Variants in TTPA observed in about 807,000 individuals in gnomAD.
The protein encoded by TTPA is alpha tocopherol transfer protein.
TTPA carries 23 observed loss-of-function variants against 25.9 expected under a neutral mutation model. That is an observed-to-expected ratio of 0.89 (90% CI 0.64 to 1.26). The LOEUF (loss-of-function observed/expected upper bound fraction) is 1.26, where lower values mean the gene tolerates loss of function less well. Ranked by LOEUF, TTPA falls within the 50% of genes most tolerant of loss-of-function variation. TTPA has a pLI of 0.00. For missense variants in TTPA, 337 were observed against 353.1 expected, an observed-to-expected ratio of 0.95 and a Z score of 0.37; for synonymous variants, 148 against 137.3, an observed-to-expected ratio of 1.08 and a Z score of -0.54.
At chr8:63,072,494 CT>C (rs1221512965) in intron 2 of TTPA, among the ~76,000 whole-genome samples, 1 of 152,156 alleles carries the variant, frequency 6.6e-6, no homozygotes, top group Non-Finnish European at 1.5e-5. Flanking sequence ...AACTCCTGAC[CT>C]CAGCTGGGAT....
intron 1 of TTPA, 123 bp downstream of exon 1, chr8:63,085,695 G>A (rs1386306778): frequency 1.6e-6 from 2 of 1,248,704 alleles, no homozygotes; most frequent in Non-Finnish European, 1.1e-6. Flanking sequence ...TTAGGGGCGC[G>A]TTACCCGCCA....
At chr8:63,081,398 T>G (rs1224612644) in intron 1 of TTPA, among the ~76,000 whole-genome samples, 1 of 152,138 alleles carries the variant, frequency 6.6e-6, no homozygotes, top group Non-Finnish European at 1.5e-5. Context: ...AACCACATGA[T>G]TATCTCAATA....
chr8:63,058,823 T>A (rs1805244942), downstream of TTPA, among the ~76,000 whole-genome samples: 1 of 152,116 alleles, frequency 6.6e-6, no homozygotes, highest in Admixed American at 6.5e-5. Context: ...TAAACAAAAA[T>A]AAATGAAGTG....
At chr8:63,066,311 G>C (rs545152681) in intron 2 of TTPA, among the ~76,000 whole-genome samples, 1 of 152,252 alleles carries the variant, frequency 6.6e-6, no homozygotes, top group East Asian at 1.9e-4. Context: ...CTTTTAAAGA[G>C]TATTGCGGAA....
In TTPA at chr8:63,066,073, G is replaced by A; in HGVS notation, c.383C>T (p.Thr128Ile). ...RIAHWDPKVF[T>I]AYDVFRVSLI... The stretch of plus-strand genomic sequence containing the variant: ...ACTTACTCGAAATACGTCATAAGCT[G>A]TAAAAACTTTGGGGTCCCAGTGTGC... Residue 128 changes from threonine (T) to isoleucine (I), a missense_variant, in exon 3 of 5, where the codon ACA becomes ATA. Thr to Ile is a moderately conservative substitution (Grantham distance 89, BLOSUM62 -1). Transcript: ENST00000260116. 6.3e-7 allele frequency: 1 copy of A among 1,583,910 alleles called. No individual in the cohort carries two copies. Among genetic ancestry groups the A allele is most frequent in the African/African-American group, 1.5e-5 (1 of 64,852 alleles).
At chr8:63,065,299 C>T (rs979291455) in intron 3 of TTPA, among the ~76,000 whole-genome samples, 20 of 152,182 alleles carry the variant, frequency 1.3e-4, no homozygotes, top group East Asian at 9.7e-4. Flanking sequence ...TGTCACTTCT[C>T]GGATATAGTT....
intron 2 of TTPA, among the ~76,000 whole-genome samples, chr8:63,071,170 G>A (rs1388240567): frequency 2.0e-5 from 3 of 152,102 alleles, no homozygotes. Flanking sequence ...AGATCATGAT[G>A]TCTGTTTTAT....
chr8:63,062,578 G>T (rs1805325796), intron 4 of TTPA, among the ~76,000 whole-genome samples: 1 of 151,990 alleles, frequency 6.6e-6, no homozygotes, highest in African/African-American at 2.4e-5. Context: ...CTCAGGAAGG[G>T]GCAAAATAAG....
chr8:63,065,938 G>A lies in TTPA; in HGVS notation c.518C>T (p.Pro173Leu). Residue 173 changes from proline to leucine, a missense_variant, in exon 3 of 5, where the codon CCA becomes CTA. By Grantham distance (98) the Pro-to-Leu change is moderately conservative. Transcript: ENST00000260116. ...AGCAGCAATCTTCTTGGCTACGGAT[G>A]GAGTGATTTGAAAAGCATGAGAAAA... The part of the protein sequence containing the change: ...WQFSHAFQIT[P>L]SVAKKIAAVL... 2 of 1,614,064 alleles carry A rather than the reference G, an allele frequency of 1.2e-6. No homozygotes were observed. Among genetic ancestry groups the A allele is most frequent in the East Asian group, 4.5e-5 (2 of 44,870 alleles).
At chr8:63,076,952 G>A (rs1229720333) in intron 1 of TTPA, among the ~76,000 whole-genome samples, 2 of 151,904 alleles carry the variant, frequency 1.3e-5, no homozygotes, top group African/African-American at 4.8e-5. Flanking sequence ...ATAAAAAAGA[G>A]AAGACACAAA....
chr8:63,066,817 T>C (rs1805398016), intron 2 of TTPA, among the ~76,000 whole-genome samples: 1 of 152,118 alleles, frequency 6.6e-6, no homozygotes, highest in Non-Finnish European at 1.5e-5. Flanking sequence ...AATTAGAATA[T>C]TAAACACATC....
At chr8:63,085,486 G>A (rs1805734165) in intron 1 of TTPA, among the ~76,000 whole-genome samples, 2 of 152,192 alleles carry the variant, frequency 1.3e-5, no homozygotes, top group African/African-American at 4.8e-5. Flanking sequence ...TTCCTGCAGG[G>A]AGAGGAAGGC....
At chr8:63,064,080 A>G (rs1805349781) in intron 4 of TTPA, 126 bp downstream of exon 4, 3 of 652,764 alleles carry the variant, frequency 4.6e-6, no homozygotes, top group Non-Finnish European at 8.0e-6. Flanking sequence ...TTAGATAAAT[A>G]TTCAAAATAT....
chr8:63,066,136 A>T, intron 2 of TTPA, 39 bp from the exon 3 acceptor site: 1 of 1,574,972 alleles, frequency 6.3e-7, no homozygotes, highest in Non-Finnish European at 8.7e-7. Context: ...AGCATTGTGT[A>T]AAAAATCAGA....
At chr8:63,079,705 C>T (rs1805630456) in intron 1 of TTPA, among the ~76,000 whole-genome samples, 1 of 152,072 alleles carries the variant, frequency 6.6e-6, no homozygotes, top group South Asian at 2.1e-4. Context: ...ACTTAGACTC[C>T]CACACAATAA....
Position 63,085,930 on chromosome 8 carries a change from AGCGCCGCC to A in TTPA, c.84_91del (p.Leu31ProfsTer42). ...GCCAGCTTCCCGGGCCCGGCGCCGC[AGCGCCGCC>A]AGGCCCGGCTGCAGCAACGGAGAGT... On this transcript the variant is annotated frameshift_variant, in exon 1 of 5. Coordinates refer to ENST00000260116, the MANE Select transcript of TTPA (RefSeq NM_000370.3). LOFTEE classifies it high-confidence loss of function. 1 of 1,519,638 alleles carries A rather than the reference AGCGCCGCC, an allele frequency of 6.6e-7. No homozygotes were observed. The highest frequency in any genetic ancestry group is 8.8e-7 in the Non-Finnish European group (1 of 1,140,476). The allele number at this position is 1,519,638 out of a possible 1,614,324, so 94.1% of individuals were successfully genotyped here.
At chr8:63,078,910 GGAA>G (rs1214952963) in intron 1 of TTPA, among the ~76,000 whole-genome samples, 2 of 152,170 alleles carry the variant, frequency 1.3e-5, no homozygotes, top group African/African-American at 4.8e-5. Flanking sequence ...TTGAAATGAA[GGAA>G]GAAATGTTAA....
rs1805276679 is a variant in TTPA at position 63,059,889 on chromosome 8, C to T, written c.*1363G>A. ...ATTTTTGAAATAGAGACAGGGTCTC[C>T]CTGTATTGCCCAGGCTGGTCTAGAA... is the stretch of plus-strand genomic sequence containing the variant. On this transcript the variant is annotated 3_prime_UTR_variant, in exon 5 of 5. Coordinates refer to ENST00000260116, the MANE Select transcript of TTPA (RefSeq NM_000370.3). 1 of 151,996 alleles carries T rather than the reference C, an allele frequency of 6.6e-6. No homozygotes were observed. The highest frequency in any genetic ancestry group is 1.5e-5 in the Non-Finnish European group (1 of 68,002). 9.4% of individuals were successfully genotyped at this position (151,996 alleles called of 1,614,324 possible).
At chr8:63,079,580 G>C (rs1438236160) in intron 1 of TTPA, among the ~76,000 whole-genome samples, 2 of 152,064 alleles carry the variant, frequency 1.3e-5, no homozygotes, top group Non-Finnish European at 2.9e-5. Flanking sequence ...AGACAAAGAA[G>C]GTCATTATAT....
Sources: allele counts gnomAD v4.1 joint callset (sites outside exome capture counted in the v4.1 genomes callset), GRCh38; gene constraint gnomAD v4.1.1; transcripts MANE v1.5; gene names NCBI Gene and HGNC (gene_info 2026-07-23, HGNC 2026-07-21).